NEBL: variants seen among roughly 807,000 people sequenced by gnomAD.
NEBL encodes LIM and SH3 protein 2.
Under a neutral mutation model 140.2 loss-of-function variants are expected in NEBL, and 122 were observed. The observed-to-expected ratio is 0.87, with a 90% CI of 0.75 to 1.01. The LOEUF (loss-of-function observed/expected upper bound fraction) is 1.01, where lower values mean the gene tolerates loss of function less well. Among genes scored for constraint, NEBL ranks in the 50% least tolerant of loss-of-function variants. The pLI, the probability that NEBL is intolerant of heterozygous loss-of-function variation, is 0.00. For missense variants in NEBL, 1,365 were observed against 1,231.3 expected (o/e 1.11, Z -1.62); for synonymous variants, 436 against 398.9 (o/e 1.09, Z -1.11).
chr10:20,835,069 T>A (rs1220870482), intron 14 of NEBL, among the ~76,000 whole-genome samples: 2 of 152,206 alleles, frequency 1.3e-5, no homozygotes, highest in Non-Finnish European at 2.9e-5. Context: ...AAAGGCTATT[T>A]TAAGAACATG....
At chr10:21,220,752 A>G (rs1009686843) in intron 3 of NEBL, among the ~76,000 whole-genome samples, 1 of 152,248 alleles carries the variant, frequency 6.6e-6, no homozygotes, top group Admixed American at 6.5e-5. Context: ...ATCATACATC[A>G]GATAAGAAGT....
chr10:21,277,091 T>A (rs956628487), intron 1 of NEBL, among the ~76,000 whole-genome samples: 4 of 151,942 alleles, frequency 2.6e-5, no homozygotes, highest in Non-Finnish European at 4.4e-5. Flanking sequence ...ATGACACTAC[T>A]GTACTCCAGC....
chr10:21,046,989 T>C (rs936316060), intron 2 of NEBL, among the ~76,000 whole-genome samples: 6 of 152,226 alleles, frequency 3.9e-5, no homozygotes, highest in Non-Finnish European at 8.8e-5. Context: ...AAAACAAGTA[T>C]ATATATGATT....
intron 1 of NEBL, among the ~76,000 whole-genome samples, chr10:21,259,172 C>T (rs78403525): frequency 0.032 from 4,840 of 151,864 alleles, 132 homozygotes; most frequent in Non-Finnish European, 0.048. Flanking sequence ...ACTGCAAACT[C>T]CGCCTCTTAG....
At chr10:21,116,226 A>G (rs1364084527) in intron 2 of NEBL, among the ~76,000 whole-genome samples, 1 of 152,082 alleles carries the variant, frequency 6.6e-6, no homozygotes, top group Non-Finnish European at 1.5e-5. Context: ...TAAACAACAG[A>G]TATTTATTTC....
In NEBL at chr10:21,020,440, C is replaced by T. The variant is rs1036599187; in HGVS notation, c.165-239G>A. Among the ~76,000 whole-genome samples, 11 of 152,022 alleles carry T rather than the reference C, an allele frequency of 7.2e-5. No individual in the cohort carries two copies. In the South Asian group the frequency reaches 1.2e-3, roughly 17 times the overall value. Reference sequence around the variant, plus strand: ...TTAACCTTGACTTCTCTTTTCTAAGCGCATCTTCACCCATGCTCAAGGTTC... The same window carrying T: ...TTAACCTTGACTTCTCTTTTCTAAGTGCATCTTCACCCATGCTCAAGGTTC... On this transcript the variant is annotated intron_variant, in intron 2 of 6. Transcript: ENST00000417816.
intron 22 of NEBL, among the ~76,000 whole-genome samples, chr10:20,814,246 C>T (rs781071838): frequency 3.3e-5 from 5 of 151,990 alleles, no homozygotes; most frequent in Non-Finnish European, 7.4e-5. Flanking sequence ...GCTAAATGAC[C>T]TAAATCTATC....
chr10:21,009,519 TCAC>T (rs1253426989), intron 3 of NEBL, among the ~76,000 whole-genome samples: 5 of 152,152 alleles, frequency 3.3e-5, no homozygotes, highest in African/African-American at 1.2e-4. Flanking sequence ...ACCCTTGACT[TCAC>T]CAAAAATCAA....
chr10:21,138,822 TAAA>T (rs60213612), intron 2 of NEBL, among the ~76,000 whole-genome samples: 1 of 120,170 alleles, frequency 8.3e-6, no homozygotes. Flanking sequence ...CTAAACTATT[TAAA>T]AAAAAAAAAA....
At chr10:20,846,072 T>A (rs556129241) in intron 11 of NEBL, among the ~76,000 whole-genome samples, 1 of 152,264 alleles carries the variant, frequency 6.6e-6, no homozygotes, top group Non-Finnish European at 1.5e-5. Context: ...CAGACCACCA[T>A]TAGCCTTTTT....
At chr10:21,250,674 G>A (rs111807344) in intron 2 of NEBL, among the ~76,000 whole-genome samples, 1 of 145,584 alleles carries the variant, frequency 6.9e-6, no homozygotes, top group Admixed American at 6.8e-5. Context: ...ACTTTGGGAG[G>A]CCAAGGCAGG....
At position 20,781,591 on chromosome 10, in the gene NEBL, A is replaced by G. The variant is rs1054630095; in HGVS notation, c.*4156T>C. On this transcript the variant is annotated 3_prime_UTR_variant, in exon 28 of 28. Coordinates refer to ENST00000377122, the MANE Select transcript of NEBL (RefSeq NM_006393.3). ...ACTGGATACCATGTATCAAGCACAA[A>G]AAATCCTATGGCATTCCCAGGAATA... 6.6e-6 allele frequency: 1 copy of G among 152,254 alleles called. No homozygotes were observed. Among genetic ancestry groups the G allele is most frequent in the Non-Finnish European group, 1.5e-5 (1 of 68,020 alleles). The allele number at this position is 152,254 out of a possible 1,614,324, so 9.4% of individuals were successfully genotyped here. A position where few individuals can be genotyped will look rare whatever the true frequency, so the allele number is the denominator to read the frequency against.
At chr10:21,221,408 A>G (rs1180673249) in intron 3 of NEBL, among the ~76,000 whole-genome samples, 1 of 152,168 alleles carries the variant, frequency 6.6e-6, no homozygotes, top group African/African-American at 2.4e-5. Context: ...ATGCTAAACT[A>G]TCATTCAATG....
chr10:21,271,394 A>G (rs2132289465), intron 1 of NEBL, among the ~76,000 whole-genome samples: 1 of 152,328 alleles, frequency 6.6e-6, no homozygotes, highest in East Asian at 1.9e-4. Flanking sequence ...CAGACGAAAT[A>G]AAGATGTTGG....
At chr10:20,996,475 A>C (rs7906562) in intron 3 of NEBL, among the ~76,000 whole-genome samples, 33,074 of 152,116 alleles carry the variant, frequency 0.22, 6,244 homozygotes, top group African/African-American at 0.5. Context: ...GGTCTACTGG[A>C]TCGATGCCTT....
At chr10:20,792,708 G>T (rs1270243992) in intron 26 of NEBL, among the ~76,000 whole-genome samples, 1 of 151,852 alleles carries the variant, frequency 6.6e-6, no homozygotes, top group Non-Finnish European at 1.5e-5. Context: ...GCTGAGGCAG[G>T]AGAATTGTTT....
intron 2 of NEBL, among the ~76,000 whole-genome samples, chr10:21,159,172 T>C (rs1840452894): frequency 6.6e-6 from 1 of 152,202 alleles, no homozygotes; most frequent in South Asian, 2.1e-4. Flanking sequence ...ACTTTTTCAA[T>C]CAGGATTTTA....
intron 3 of NEBL, among the ~76,000 whole-genome samples, chr10:20,984,201 A>T (rs558486511): frequency 1.4e-4 from 22 of 152,262 alleles, no homozygotes; most frequent in Non-Finnish European, 2.9e-4. Context: ...CATAGTAAAA[A>T]TCTAATATCA....
intron 2 of NEBL, among the ~76,000 whole-genome samples, chr10:21,102,530 G>C (rs1395948755): frequency 6.6e-6 from 1 of 152,154 alleles, no homozygotes; most frequent in Non-Finnish European, 1.5e-5. Context: ...ATATAGTGTG[G>C]ACAAATTACT....
Sources: allele counts gnomAD v4.1 joint callset (sites outside exome capture counted in the v4.1 genomes callset), GRCh38; gene constraint gnomAD v4.1.1; transcripts MANE v1.5; gene names NCBI Gene and HGNC (gene_info 2026-07-23, HGNC 2026-07-21).